Variants in SLC4A7 observed in about 807,000 individuals in gnomAD.
SLC4A7 encodes the protein sodium bicarbonate cotransporter 3.
In SLC4A7, 51 loss-of-function variants were observed where a neutral mutation model predicts 137.6. The observed-to-expected ratio is 0.37, with a 90% CI of 0.30 to 0.47. SLC4A7 has a LOEUF of 0.47. SLC4A7 is among the 20% of genes least tolerant of loss of function. The pLI, the probability that SLC4A7 is intolerant of heterozygous loss-of-function variation, is 1.00. For synonymous variants in SLC4A7, 542 were observed against 518.6 expected (o/e 1.05, Z -0.61); for missense variants, 1,247 against 1,525.4 (o/e 0.82, Z 3.04).
intron 12 of SLC4A7, among the ~76,000 whole-genome samples, chr3:27,409,995 C>A (rs2053750843): frequency 6.6e-6 from 1 of 152,184 alleles, no homozygotes; most frequent in African/African-American, 2.4e-5. Flanking sequence ...TGCTTAGATG[C>A]ACAAGTGGTA....
At chr3:27,473,849 G>C (rs1198513499) in intron 1 of SLC4A7, among the ~76,000 whole-genome samples, 1 of 151,758 alleles carries the variant, frequency 6.6e-6, no homozygotes, top group Non-Finnish European at 1.5e-5. Flanking sequence ...AAGAGCGTAT[G>C]TGCACAAATT....
chr3:27,386,101 T>A, intron 22 of SLC4A7, 78 bp from the exon 23 acceptor site: 1 of 1,153,476 alleles, frequency 8.7e-7, no homozygotes, highest in Non-Finnish European at 1.2e-6. Flanking sequence ...GCATATTTAT[T>A]AAATCTTATA....
At position 27,431,507 on chromosome 3, in the gene SLC4A7, G is replaced by A. The variant is rs2056284955; in HGVS notation, c.941C>T (p.Thr314Ile). Residue 314 changes from threonine to isoleucine, a missense_variant, in exon 7 of 26, where the codon ACC becomes ATC. This residue lies in a region of SLC4A7 where 223 missense variants were observed against 203.6 expected (regional missense o/e 1.10). Coordinates refer to ENST00000454389, the MANE Select transcript of SLC4A7 (RefSeq NM_001321103.2). The part of the protein sequence containing the change: ...AGSRCTTPVP[T>I]PQNSPPSSPS... The stretch of plus-strand genomic sequence containing the variant: ...GCTAGAAGGAGGACTGTTTTGAGGG[G>A]TGGGTACTGGGGTTGTACACCTTGA... 1 of 1,614,004 alleles carries A rather than the reference G, an allele frequency of 6.2e-7. No homozygotes were observed. Among genetic ancestry groups the A allele is most frequent in the Non-Finnish European group, 8.5e-7 (1 of 1,180,008 alleles).
intron 24 of SLC4A7, among the ~76,000 whole-genome samples, chr3:27,381,949 C>T (rs1321889165): frequency 1.3e-5 from 2 of 152,006 alleles, no homozygotes; most frequent in East Asian, 2.0e-4. Context: ...AGTAGCTGGG[C>T]GTGGTGGCAG....
In SLC4A7 at chr3:27,394,539, C is replaced by T. The variant is rs763255704; in HGVS notation, c.3096G>A (p.Val1032=). The change falls in exon 20 of 26, where the codon GTG becomes GTA. Residue 1032 remains valine, a synonymous_variant. Coordinates refer to ENST00000454389, the MANE Select transcript of SLC4A7 (RefSeq NM_001321103.2). ...TTACCTTTAGGACTGAAGTCATGAA[C>T]ACAGAGAGGCCCATTAGAATAAAAA... The part of the protein sequence containing the change: ...LMIFILMGLS[V]FMTSVLKFIP... 3.1e-6 allele frequency: 5 copies of T among 1,613,974 alleles called. No homozygotes were observed. The South Asian group carries it at 5.5e-5, about 18-fold the overall frequency.
At chr3:27,386,570 T>A (rs1376464938) in intron 22 of SLC4A7, among the ~76,000 whole-genome samples, 1 of 152,114 alleles carries the variant, frequency 6.6e-6, no homozygotes, top group African/African-American at 2.4e-5. Context: ...GGACTGTTGG[T>A]TTTTATGACT....
intron 3 of SLC4A7, 93 bp downstream of exon 3, chr3:27,448,558 A>G (rs2057842350): frequency 1.9e-6 from 2 of 1,078,668 alleles, no homozygotes; most frequent in South Asian, 1.5e-5. Context: ...TAATGCATAC[A>G]TACAATTTTT....
Position 27,433,905 on chromosome 3 carries a change from A to G in SLC4A7, c.778+11T>C. On this transcript the variant is annotated intron_variant, in intron 6 of 25. Transcript: ENST00000454389. ...GTGTTAGCAAAAATTGGATGCCACA[A>G]CTTATCTCACCATTCCTTTCAAGCA... is the stretch of plus-strand genomic sequence containing the variant. 1 of 1,613,126 alleles carries G rather than the reference A, an allele frequency of 6.2e-7. No homozygotes were observed. The highest frequency in any genetic ancestry group is 8.5e-7 in the Non-Finnish European group (1 of 1,179,542).
intron 7 of SLC4A7, among the ~76,000 whole-genome samples, chr3:27,429,430 AC>A (rs1436202399): frequency 1.0e-3 from 155 of 152,348 alleles, no homozygotes; most frequent in African/African-American, 3.6e-3. Context: ...ACAATGGACA[AC>A]TAAAATCTAT....
At chr3:27,396,874 T>C (rs1373421845) in intron 18 of SLC4A7, among the ~76,000 whole-genome samples, 1 of 152,196 alleles carries the variant, frequency 6.6e-6, no homozygotes, top group Non-Finnish European at 1.5e-5. Flanking sequence ...AAAATTCAAA[T>C]GGATGCTCAG....
intron 6 of SLC4A7, among the ~76,000 whole-genome samples, chr3:27,431,981 G>C (rs2056345408): frequency 6.6e-6 from 1 of 152,104 alleles, no homozygotes; most frequent in Non-Finnish European, 1.5e-5. Context: ...TCAATACAAA[G>C]TCACTGCTTA....
In SLC4A7 at chr3:27,373,399, A is replaced by T. The variant is rs1293438318; in HGVS notation, c.*3365T>A. ...GTCTTTAAACTTACTTTCTAAAATAAATAATTGTTGGAATAAACCAAAAGA... is the reference window on the plus strand; with the variant it reads ...GTCTTTAAACTTACTTTCTAAAATATATAATTGTTGGAATAAACCAAAAGA... On this transcript the variant is annotated 3_prime_UTR_variant, in exon 26 of 26. Transcript: ENST00000454389. 2 of 152,172 alleles carry T rather than the reference A, an allele frequency of 1.3e-5. No individual in the cohort carries two copies. The highest frequency in any genetic ancestry group is 2.9e-5 in the Non-Finnish European group (2 of 67,992). 9.4% of individuals were successfully genotyped at this position (152,172 alleles called of 1,614,324 possible).
intron 3 of SLC4A7, among the ~76,000 whole-genome samples, chr3:27,447,868 A>G (rs912907745): frequency 2.0e-5 from 3 of 152,014 alleles, no homozygotes; most frequent in Admixed American, 6.6e-5. Flanking sequence ...CAGAAAACCA[A>G]ATAATCCAGC....
chr3:27,386,171 G>T (rs2050925475), intron 22 of SLC4A7, 148 bp from the exon 23 acceptor site: 10 of 428,444 alleles, frequency 2.3e-5, no homozygotes, highest in East Asian at 4.9e-5. Flanking sequence ...AAGGAATTGA[G>T]TCAATTATTT....
At chr3:27,453,902 T>C (rs1298506781) in intron 1 of SLC4A7, among the ~76,000 whole-genome samples, 1 of 152,224 alleles carries the variant, frequency 6.6e-6, no homozygotes, top group Non-Finnish European at 1.5e-5. Context: ...TGACTCTGAA[T>C]GATTGGTGTT....
At chr3:27,457,892 C>A (rs2058494488) in intron 1 of SLC4A7, among the ~76,000 whole-genome samples, 1 of 152,132 alleles carries the variant, frequency 6.6e-6, no homozygotes, top group South Asian at 2.1e-4. Flanking sequence ...TCATGGGTAA[C>A]AAACACTATC....
rs1198705933 is a variant in SLC4A7 at position 27,437,510 on chromosome 3, T to C, written c.306A>G (p.Arg102=). The C allele has an allele frequency of 6.4e-7, 1 of 1,574,660 alleles. No homozygotes were observed. Among genetic ancestry groups the C allele is most frequent in the South Asian group, 1.2e-5 (1 of 83,876 alleles). ...CTTCAGTACCAAGGATAAACTGAACTCTCTGGGATGGTGTATCTTTACAAA... is the reference window on the plus strand; with the variant it reads ...CTTCAGTACCAAGGATAAACTGAACCCTCTGGGATGGTGTATCTTTACAAA... ...ESPSYDTPSQ[R]VQFILGTEDD... The change falls in exon 4 of 26, where the codon AGA becomes AGG. Residue 102 remains arginine (R), a synonymous_variant. Transcript: ENST00000454389.
chr3:27,456,562 A>G, intron 1 of SLC4A7: 1 of 922,620 alleles, frequency 1.1e-6, no homozygotes, highest in Admixed American at 1.8e-5. Flanking sequence ...GCCAGTGCTA[A>G]TAAGCCTGAC....
intron 1 of SLC4A7, among the ~76,000 whole-genome samples, chr3:27,466,381 G>A (rs1449706342): frequency 3.3e-5 from 5 of 151,214 alleles, no homozygotes; most frequent in African/African-American, 1.2e-4. Flanking sequence ...AACCCCGGGG[G>A]ACGGAGCCTG....
Sources: allele counts gnomAD v4.1 joint callset (sites outside exome capture counted in the v4.1 genomes callset), GRCh38; gene constraint gnomAD v4.1.1; regional missense constraint gnomAD v4.1.1; transcripts MANE v1.5; gene names NCBI Gene and HGNC (gene_info 2026-07-23, HGNC 2026-07-21).